The following TUSC3 variants were observed in gnomAD, a reference collection of about 807,000 sequenced individuals.
The protein encoded by TUSC3 is dolichyl-diphosphooligosaccharide--protein glycosyltransferase subunit TUSC3.
In TUSC3, 45 loss-of-function variants were observed where a neutral mutation model predicts 44.8. The observed-to-expected ratio is 1.00, with a 90% CI of 0.79 to 1.29. The LOEUF is 1.29. Among genes scored for constraint, TUSC3 ranks in the 50% most tolerant of loss-of-function variants. The pLI, the probability that TUSC3 is intolerant of heterozygous loss-of-function variation, is 0.00. For synonymous variants in TUSC3, 212 were observed against 152.9 expected, an observed-to-expected ratio of 1.39 and a Z score of -2.85; for missense variants, 519 against 437.9, an observed-to-expected ratio of 1.19 and a Z score of -1.65.
chr8:15,808,675 A>G, the TUSC3 span, among the ~76,000 whole-genome samples: 1 of 152,158 alleles, frequency 6.6e-6, no homozygotes, highest in African/African-American at 2.4e-5. Context: ...AGTGCCAGAC[A>G]TGTAGCAGGC....
intron 6 of TUSC3, among the ~76,000 whole-genome samples, chr8:15,684,791 G>A (rs1808561776): frequency 6.6e-6 from 1 of 152,168 alleles, no homozygotes; most frequent in South Asian, 2.1e-4. Flanking sequence ...ACCAGATCCA[G>A]GGGTTTGTTC....
chr8:15,445,547 T>A (rs1800085136), intron 1 of TUSC3, among the ~76,000 whole-genome samples: 1 of 152,306 alleles, frequency 6.6e-6, no homozygotes, highest in Non-Finnish European at 1.5e-5. Flanking sequence ...TTCAAGCATC[T>A]GTTTAACAAA....
chr8:15,633,207 C>G (rs769231656), intron 2 of TUSC3, among the ~76,000 whole-genome samples: 2 of 152,122 alleles, frequency 1.3e-5, no homozygotes, highest in Non-Finnish European at 2.9e-5. Flanking sequence ...TCATTCCATA[C>G]TTTTATCTCT....
Position 15,560,321 on chromosome 8 carries a change from G to A in TUSC3, c.138+19753G>A, listed in dbSNP as rs932978862. ...GAAATTTCTTGTCTTTAAGAATGTT[G>A]AATATTGGCCCCCACTCTCTTCTGG... On this transcript the variant is annotated intron_variant, in intron 1 of 10. Transcript: ENST00000503731. 1.1e-3 allele frequency among the ~76,000 whole-genome samples: 151 copies of A among 140,836 alleles called. 21 individuals carry two copies. The highest frequency in any genetic ancestry group is 1.8e-3 in the Non-Finnish European group (113 of 63,714). The allele number at this position is 140,836 out of a possible 152,430, so 92.4% of individuals were successfully genotyped here.
At chr8:15,430,923 C>T (rs1799865939) in intron 1 of TUSC3, among the ~76,000 whole-genome samples, 1 of 151,690 alleles carries the variant, frequency 6.6e-6, no homozygotes, top group Non-Finnish European at 1.5e-5. Flanking sequence ...GTCCTTTCCC[C>T]ATTGTAATTA....
chr8:15,454,069 C>G (rs568615495), intron 1 of TUSC3, among the ~76,000 whole-genome samples: 2 of 152,188 alleles, frequency 1.3e-5, no homozygotes, highest in African/African-American at 2.4e-5. Context: ...AGTAAATGCA[C>G]TATGCATGCT....
the TUSC3 span, among the ~76,000 whole-genome samples, chr8:15,852,059 T>G: frequency 1.3e-5 from 2 of 152,154 alleles, no homozygotes; most frequent in African/African-American, 4.8e-5. Flanking sequence ...CGTGGAACTG[T>G]GAGTCCATTA....
intron 1 of TUSC3, among the ~76,000 whole-genome samples, chr8:15,476,819 A>G (rs868348508): frequency 6.6e-6 from 1 of 152,246 alleles, no homozygotes; most frequent in Non-Finnish European, 1.5e-5. Context: ...CAAATGAAGT[A>G]GTGGCCCACC....
At chr8:15,448,259 C>T (rs1044154886) in intron 1 of TUSC3, among the ~76,000 whole-genome samples, 1 of 151,734 alleles carries the variant, frequency 6.6e-6, no homozygotes, top group Admixed American at 6.6e-5. Flanking sequence ...GCTGAGATCA[C>T]AGATGTGTGC....
At chr8:15,793,667 C>A in the TUSC3 span, among the ~76,000 whole-genome samples, 1 of 152,170 alleles carries the variant, frequency 6.6e-6, no homozygotes, top group Non-Finnish European at 1.5e-5. Context: ...CTACACCCTA[C>A]TAGAATATAA....
the TUSC3 span, among the ~76,000 whole-genome samples, chr8:15,815,136 T>C: frequency 6.6e-6 from 1 of 152,198 alleles, no homozygotes; most frequent in Non-Finnish European, 1.5e-5. Context: ...AATTGAATAA[T>C]AAACTGCTAG....
chr8:15,807,059 C>T, the TUSC3 span: 1 of 1,406,932 alleles, frequency 7.1e-7, no homozygotes, highest in South Asian at 1.2e-5. Flanking sequence ...TGTGATCTAA[C>T]AAATGCTCAC....
intron 2 of TUSC3, among the ~76,000 whole-genome samples, chr8:15,516,420 C>T (rs1028154892): frequency 1.3e-5 from 2 of 152,108 alleles, no homozygotes; most frequent in Admixed American, 1.3e-4. Flanking sequence ...ATTCAATTAC[C>T]AAGCATTACA....
At chr8:15,782,318 A>T in the TUSC3 span, among the ~76,000 whole-genome samples, 35 of 151,682 alleles carry the variant, frequency 2.3e-4, no homozygotes, top group South Asian at 1.7e-3. Flanking sequence ...ACAAAAAAAA[A>T]TTTTTTTTTA....
At chr8:15,489,644 G>C (rs1381422958) in intron 2 of TUSC3, among the ~76,000 whole-genome samples, 1 of 152,100 alleles carries the variant, frequency 6.6e-6, no homozygotes, top group African/African-American at 2.4e-5. Context: ...CAGTTACATT[G>C]GAATTTGGTA....
chr8:15,715,711 T>A (rs1012787166), intron 6 of TUSC3, among the ~76,000 whole-genome samples: 1 of 151,022 alleles, frequency 6.6e-6, no homozygotes, highest in Non-Finnish European at 1.5e-5. Context: ...AAAAAAAAAA[T>A]TATTTCACAT....
At chr8:15,521,701 C>A (rs1801302422) in intron 2 of TUSC3, among the ~76,000 whole-genome samples, 1 of 152,140 alleles carries the variant, frequency 6.6e-6, no homozygotes, top group Admixed American at 6.5e-5. Flanking sequence ...AGCCTGCGGG[C>A]CACTGGTTAC....
At chr8:15,811,652 T>G in the TUSC3 span, among the ~76,000 whole-genome samples, 1 of 152,172 alleles carries the variant, frequency 6.6e-6, no homozygotes, top group Non-Finnish European at 1.5e-5. Flanking sequence ...ATATCAAAAT[T>G]GACCTATGAA....
intron 2 of TUSC3, among the ~76,000 whole-genome samples, chr8:15,630,134 A>G (rs567425010): frequency 3.8e-4 from 58 of 152,298 alleles, no homozygotes; most frequent in African/African-American, 1.3e-3. Context: ...TCTAAGTACG[A>G]AATATCCTCA....
Sources: allele counts gnomAD v4.1 joint callset (sites outside exome capture counted in the v4.1 genomes callset), GRCh38; gene constraint gnomAD v4.1.1; transcripts MANE v1.5; gene names NCBI Gene and HGNC (gene_info 2026-07-23, HGNC 2026-07-21).